The following CDC25A variants were observed in gnomAD, a reference collection of about 807,000 sequenced individuals.
The protein encoded by CDC25A is cell division cycle 25A, also known as M-phase inducer phosphatase 1.
CDC25A carries 17 observed loss-of-function variants against 64.6 expected under a neutral mutation model. The ratio of observed to expected loss-of-function variants is 0.26; its 90% confidence interval spans 0.18 to 0.39. The LOEUF (loss-of-function observed/expected upper bound fraction) is 0.39. Ranked by LOEUF, CDC25A falls within the 10% of genes least tolerant of loss-of-function variation. The pLI, the probability that CDC25A is intolerant of heterozygous loss-of-function variation, is 1.00. For synonymous variants in CDC25A, 229 were observed against 238.6 expected (o/e 0.96, Z 0.37); for missense variants, 473 against 654.8 (o/e 0.72, Z 3.03).
chr3:48,186,462 G>C (rs560717787), intron 2 of CDC25A, among the ~76,000 whole-genome samples: 2 of 151,866 alleles, frequency 1.3e-5, no homozygotes, highest in South Asian at 4.2e-4. Context: ...CCAGCTACTC[G>C]GGAGGCTGAG....
At chr3:48,183,146 C>T in intron 4 of CDC25A, 116 bp from the exon 5 acceptor site, 1 of 670,610 alleles carries the variant, frequency 1.5e-6, no homozygotes, top group South Asian at 1.7e-5. Flanking sequence ...GCTCCTCACA[C>T]ACTGCAGTAG....
rs1398097735 is a variant in CDC25A, at chr3:48,183,047, G to T, written c.328-17C>A. 1 of 1,544,298 alleles carries T rather than the reference G, an allele frequency of 6.5e-7. No homozygotes were observed. Among genetic ancestry groups the T allele is most frequent in the Non-Finnish European group, 8.9e-7 (1 of 1,117,976 alleles). Reference sequence around the variant, plus strand: ...CAGCTTCTGCTATCAAAGTAAAAAAGGAAAATAATTAAGGCACACAAATAA... The same window carrying T: ...CAGCTTCTGCTATCAAAGTAAAAAATGAAAATAATTAAGGCACACAAATAA... On this transcript the variant is annotated splice_polypyrimidine_tract_variant and intron_variant, in intron 4 of 14. Coordinates refer to ENST00000302506, the MANE Select transcript of CDC25A (RefSeq NM_001789.3).
At chr3:48,184,848 A>T (rs1353725944) in intron 2 of CDC25A, among the ~76,000 whole-genome samples, 153 bp from the exon 3 acceptor site, 1 of 152,252 alleles carries the variant, frequency 6.6e-6, no homozygotes, top group African/African-American at 2.4e-5. Flanking sequence ...TGTTACGTCT[A>T]TTAGATTGTC....
At chr3:48,173,919 G>A (rs1183884141) in intron 9 of CDC25A, among the ~76,000 whole-genome samples, 1 of 152,172 alleles carries the variant, frequency 6.6e-6, no homozygotes, top group East Asian at 1.9e-4. Context: ...GTCTTACAAA[G>A]ATTTTAAAGC....
At chr3:48,165,107 C>CAAAAAAAA (rs11370901) in intron 12 of CDC25A, among the ~76,000 whole-genome samples, 3 of 84,972 alleles carry the variant, frequency 3.5e-5, no homozygotes, top group Non-Finnish European at 6.8e-5. Flanking sequence ...GACTCTGTCT[C>CAAAAAAAA]AAAAAAAAAA....
rs1020075031 is a variant in CDC25A, at chr3:48,164,185, G to A, written c.1322+122C>T. 2.2e-5 allele frequency: 19 copies of A among 870,974 alleles called. No individual in the cohort carries two copies. In the African/African-American group the frequency reaches 2.6e-4, roughly 12 times the overall value. 54.0% of individuals were successfully genotyped at this position (870,974 alleles called of 1,614,324 possible). ...ATAAAATTACATATGAAAATGGCTT[G>A]TTATGTGCCAGAGGTTGCTTGATAT... is the stretch of plus-strand genomic sequence containing the variant. On this transcript the variant is annotated intron_variant, in intron 13 of 14. Transcript: ENST00000302506.
At position 48,174,473 on chromosome 3, in the gene CDC25A, A is replaced by C. The variant is rs1209220542; in HGVS notation, c.757-16T>G. 7 of 1,599,326 alleles carry C rather than the reference A, an allele frequency of 4.4e-6. No homozygotes were observed. The highest frequency in any genetic ancestry group is 6.0e-6 in the Non-Finnish European group (7 of 1,175,440). On this transcript the variant is annotated splice_polypyrimidine_tract_variant and intron_variant, in intron 8 of 14. Coordinates refer to ENST00000302506, the MANE Select transcript of CDC25A (RefSeq NM_001789.3). ...ATCGGTTGTCCTTACAGGAAAAAAAACAGACAGACCCATCTTTCATTAAAA... is the reference window on the plus strand; with the variant it reads ...ATCGGTTGTCCTTACAGGAAAAAAACCAGACAGACCCATCTTTCATTAAAA...
chr3:48,161,730 C>T (rs1235458071), intron 13 of CDC25A, among the ~76,000 whole-genome samples: 1 of 151,844 alleles, frequency 6.6e-6, no homozygotes, highest in African/African-American at 2.4e-5. Flanking sequence ...AAAAAGAGAG[C>T]AGCATCTTTT....
chr3:48,176,788 T>A (rs185234670), intron 8 of CDC25A, among the ~76,000 whole-genome samples: 7 of 151,260 alleles, frequency 4.6e-5, no homozygotes, highest in African/African-American at 1.7e-4. Flanking sequence ...CTGGCCAACA[T>A]AATGTAACCC....
intron 9 of CDC25A, among the ~76,000 whole-genome samples, chr3:48,168,181 T>TAAAAA (rs33925813): frequency 8.1e-6 from 1 of 124,170 alleles, no homozygotes; most frequent in Non-Finnish European, 1.7e-5. Flanking sequence ...CTTCCTTCCT[T>TAAAAA]AAAAAAAAAA....
intron 9 of CDC25A, 100 bp from the exon 10 acceptor site, chr3:48,168,044 C>T (rs2032104213): frequency 7.4e-6 from 5 of 675,738 alleles, no homozygotes; most frequent in Non-Finnish European, 1.3e-5. Flanking sequence ...AATGTTAATG[C>T]CTACATTTAG....
intron 5 of CDC25A, chr3:48,181,512 G>T (rs953335348): frequency 1.7e-6 from 2 of 1,157,772 alleles, no homozygotes; most frequent in Non-Finnish European, 2.6e-6. Context: ...GTTGCCCTTG[G>T]TCTCGGGGTC....
chr3:48,170,542 A>T (rs1212518201), intron 9 of CDC25A, among the ~76,000 whole-genome samples: 2 of 152,128 alleles, frequency 1.3e-5, no homozygotes, highest in Non-Finnish European at 2.9e-5. Context: ...GGGTGCCCCA[A>T]CCTCCAGGAA....
chr3:48,183,679 T>G, intron 4 of CDC25A, 121 bp downstream of exon 4: 1 of 676,570 alleles, frequency 1.5e-6, no homozygotes, highest in Non-Finnish European at 2.6e-6. Flanking sequence ...AGACCTTGTC[T>G]CAAAAGAGAC....
rs145352819 is a variant in CDC25A, at chr3:48,173,442, A to G, written c.930+842T>C. Among the ~76,000 whole-genome samples, 629 of 152,346 alleles carry G rather than the reference A, an allele frequency of 4.1e-3. 5 individuals are homozygous for G. Among genetic ancestry groups the G allele is most frequent in the African/African-American group, 0.014 (597 of 41,580 alleles). ...TTAACCATTCAACTCATGAAGCTGG[A>G]GACAGCAACACAACAAGCCCCAAGA... On this transcript the variant is annotated intron_variant, in intron 9 of 14. Transcript: ENST00000302506.
At chr3:48,186,493 C>T (rs1300526224) in intron 2 of CDC25A, among the ~76,000 whole-genome samples, 15 of 150,966 alleles carry the variant, frequency 9.9e-5, no homozygotes, top group Non-Finnish European at 1.9e-4. Context: ...CACTTGAACC[C>T]GGGAGGTGGA....
chr3:48,181,784 G>C, intron 5 of CDC25A: 1 of 465,492 alleles, frequency 2.1e-6, no homozygotes, highest in Non-Finnish European at 3.8e-6. Flanking sequence ...ATAAAACCAT[G>C]AAGAATCAAA....
intron 13 of CDC25A, among the ~76,000 whole-genome samples, chr3:48,163,406 A>C (rs1575259418): frequency 6.6e-6 from 1 of 151,842 alleles, no homozygotes; most frequent in Non-Finnish European, 1.5e-5. Context: ...GGAGTTCAAG[A>C]CCAGCCTGAC....
intron 13 of CDC25A, among the ~76,000 whole-genome samples, chr3:48,163,464 C>T (rs543495293): frequency 1.7e-4 from 25 of 148,206 alleles, no homozygotes; most frequent in East Asian, 1.2e-3. Flanking sequence ...ATTAGCCGGG[C>T]GTGATGGCGC....
Sources: gnomAD v4.1 joint callset for allele counts (sites outside exome capture counted in the v4.1 genomes callset) on GRCh38, gnomAD v4.1.1 for gene constraint, MANE v1.5 for transcripts, NCBI Gene and HGNC (gene_info 2026-07-23, HGNC 2026-07-21) for gene names.